Variants in GNAS observed in about 807,000 individuals in gnomAD.
GNAS encodes the protein GNAS complex locus, also known as protein ALEX.
A neutral mutation model predicts 54.5 loss-of-function variants in GNAS; 8 were observed. The ratio of observed to expected loss-of-function variants is 0.15; its 90% confidence interval spans 0.09 to 0.26. The LOEUF (loss-of-function observed/expected upper bound fraction) is 0.26, where lower values mean the gene tolerates loss of function less well. Ranked by LOEUF, GNAS falls within the 10% of genes least tolerant of loss-of-function variation. The pLI is 1.00. For synonymous variants in GNAS, 204 were observed against 191.4 expected (o/e 1.07, Z -0.54); for missense variants, 170 against 529.8 (o/e 0.32, Z 6.67).
intron 2 of GNAS, among the ~76,000 whole-genome samples, chr20:58,896,943 A>C (rs2090123944): frequency 6.6e-6 from 1 of 152,242 alleles, no homozygotes; most frequent in Non-Finnish European, 1.5e-5. Flanking sequence ...CAGGAAACAA[A>C]GGTGAACTTT....
Position 58,891,522 on chromosome 20 carries a change from G to A in GNAS, c.-205G>A, listed in dbSNP as rs1481221116. The A allele has an allele frequency of 2.0e-6, 2 of 975,984 alleles. No individual in the cohort carries two copies. The highest frequency in any genetic ancestry group is 1.2e-6 in the Non-Finnish European group (1 of 824,696). The allele number at this position is 975,984 out of a possible 1,614,324, so 60.5% of individuals were successfully genotyped here. ...GGCGGGGAGCTGCGCGCGCCCCTCG[G>A]TCCGACCGACACCCTCCCCTTCCCG... is the stretch of plus-strand genomic sequence containing the variant. On this transcript the variant is annotated 5_prime_UTR_variant, in exon 1 of 13. Coordinates refer to ENST00000371085, the MANE Select transcript of GNAS (RefSeq NM_000516.7).
intron 1 of GNAS, among the ~76,000 whole-genome samples, chr20:58,882,284 C>T (rs1422458075): frequency 1.3e-5 from 2 of 152,186 alleles, no homozygotes; most frequent in Non-Finnish European, 2.9e-5. Flanking sequence ...GTCTCGATCT[C>T]CTGACCTCGT....
intron 1 of GNAS, among the ~76,000 whole-genome samples, chr20:58,867,795 A>G (rs1600787356): frequency 6.6e-6 from 1 of 152,084 alleles, no homozygotes; most frequent in Non-Finnish European, 1.5e-5. Flanking sequence ...CTTAAATTTG[A>G]TGAGTTGTCA....
intron 1 of GNAS, among the ~76,000 whole-genome samples, chr20:58,859,666 G>A (rs1446475265): frequency 2.6e-4 from 38 of 144,242 alleles, no homozygotes; most frequent in Admixed American, 1.8e-3. Context: ...TCGCTCTATC[G>A]CCCAGGCTGG....
At chr20:58,892,405 G>A (rs2089520743) in intron 1 of GNAS, 1 of 152,054 alleles carries the variant, frequency 6.6e-6, no homozygotes, top group African/African-American at 2.5e-5. Flanking sequence ...GGGGCGCCGT[G>A]GTGGCGGAGG....
At chr20:58,888,440 C>T (rs1249936777), upstream of GNAS, 1 of 152,252 alleles carries the variant, frequency 6.6e-6, no homozygotes, top group East Asian at 1.9e-4. Flanking sequence ...TAACCCTGCT[C>T]CTAATCCCGT....
chr20:58,879,995 C>G (rs2088118722), intron 1 of GNAS, among the ~76,000 whole-genome samples: 1 of 152,082 alleles, frequency 6.6e-6, no homozygotes, highest in South Asian at 2.1e-4. Context: ...CCCTCCCCAA[C>G]CCAAACCTTT....
chr20:58,842,969 C>T (rs1568911803), intron 1 of GNAS, among the ~76,000 whole-genome samples: 1 of 152,184 alleles, frequency 6.6e-6, no homozygotes. Context: ...CCGTGTCGAG[C>T]CCACACCTCA....
chr20:58,862,962 G>GAAAAA (rs542171703), intron 1 of GNAS, among the ~76,000 whole-genome samples: 1 of 82,338 alleles, frequency 1.2e-5, no homozygotes, highest in Non-Finnish European at 2.5e-5. Context: ...TATTACACAT[G>GAAAAA]AAAAAAAAAA....
At chr20:58,900,302 C>T (rs2090488510) in intron 3 of GNAS, 2 of 363,334 alleles carry the variant, frequency 5.5e-6, no homozygotes, top group South Asian at 4.3e-5. Context: ...CTGCTAAACC[C>T]TTGAACCCTA....
chr20:58,895,165 G>A, intron 1 of GNAS: 1 of 262,632 alleles, frequency 3.8e-6, no homozygotes, highest in South Asian at 4.1e-5. Flanking sequence ...GGAATCCCGG[G>A]TATTTTAACC....
intron 5 of GNAS, 141 bp downstream of exon 5, chr20:58,903,932 A>G: frequency 1.2e-6 from 1 of 838,116 alleles, no homozygotes; most frequent in South Asian, 1.4e-5. Flanking sequence ...AGTGATGTCC[A>G]TCCTTAGGAA....
rs778743536 is a variant in GNAS, at chr20:58,840,867, C to G, written c.24C>G (p.Leu8=). 3 of 1,612,780 alleles carry G rather than the reference C, an allele frequency of 1.9e-6. No homozygotes were observed. Among genetic ancestry groups the G allele is most frequent in the Middle Eastern group, 3.3e-4 (2 of 6,062 alleles). ...TAATGGAGGACGCCGTCCAGATTCT[C>G]CTTGTTTTCATGGATTCAGGTTAGT... The change falls in exon 1 of 13, where the codon CTC becomes CTG. Residue 8 remains leucine (L), a synonymous_variant. Transcript: ENST00000306090. This position sits in a 1 kb window ranked among gnomAD's most constrained non-coding sequence, Gnocchi z 6.0.
intron 1 of GNAS, among the ~76,000 whole-genome samples, chr20:58,859,096 G>A (rs1394597188): frequency 6.6e-6 from 1 of 152,118 alleles, no homozygotes; most frequent in Admixed American, 6.5e-5. Context: ...AAAGAATTGG[G>A]GGTCATCCCC....
rs868415585 is a variant in GNAS, at chr20:58,857,043, C to G, written c.43+16157C>G. On this transcript the variant is annotated intron_variant, in intron 1 of 12. Transcript: ENST00000306090. This position sits in a 1 kb window ranked among gnomAD's most constrained non-coding sequence, Gnocchi z 4.1. ...AATATGTGGTTTAAATGAAAACTTC[C>G]AAACAAACTTCACAAGCTTAATTTT... is the stretch of plus-strand genomic sequence containing the variant. The G allele has an allele frequency of 2.6e-5, 4 of 152,138 alleles. No individual in the cohort carries two copies. Among genetic ancestry groups the G allele is most frequent in the Admixed American group, 6.5e-5 (1 of 15,270 alleles). 9.4% of individuals were successfully genotyped at this position (152,138 alleles called of 1,614,324 possible).
chr20:58,854,844 C>T (rs779840651), intron 1 of GNAS: 2 of 1,596,946 alleles, frequency 1.3e-6, no homozygotes, highest in Non-Finnish European at 1.7e-6. Flanking sequence ...ACGCAAGATC[C>T]ATCTCAGACC....
chr20:58,867,244 T>C lies in GNAS; in HGVS notation c.43+26358T>C, dbSNP rs181589051. Among the ~76,000 whole-genome samples, 380 of 152,328 alleles carry C rather than the reference T, an allele frequency of 2.5e-3. 1 individual carries two copies. Among genetic ancestry groups the C allele is most frequent in the African/African-American group, 8.6e-3 (359 of 41,576 alleles). On this transcript the variant is annotated intron_variant, in intron 1 of 12. Coordinates refer to the GNAS transcript ENST00000306090. Reference sequence around the variant, plus strand: ...GACGTTAGGGGAAAATTTTTAAAAGTTGGATTGCCAGAAAACTTCTAGCTA... The same window carrying C: ...GACGTTAGGGGAAAATTTTTAAAAGCTGGATTGCCAGAAAACTTCTAGCTA...
chr20:58,891,617 C>G lies in GNAS; in HGVS notation c.-110C>G. 1.0e-6 allele frequency: 1 copy of G among 971,246 alleles called. No homozygotes were observed. The highest frequency in any genetic ancestry group is 1.8e-5 in the African/African-American group (1 of 55,142). 60.2% of individuals were successfully genotyped at this position (971,246 alleles called of 1,614,324 possible). A position where few individuals can be genotyped will look rare whatever the true frequency, so the allele number is the denominator to read the frequency against. The stretch of plus-strand genomic sequence containing the variant: ...GCGCTCCTTGCCGAGGAGCCGAGCC[C>G]GCGCCCGGCCCGCCCGCCCGGCGCT... On this transcript the variant is annotated 5_prime_UTR_variant, in exon 1 of 13. Coordinates refer to ENST00000371085, the MANE Select transcript of GNAS (RefSeq NM_000516.7).
At chr20:58,864,834 G>T (rs978694045) in intron 1 of GNAS, among the ~76,000 whole-genome samples, 1 of 151,964 alleles carries the variant, frequency 6.6e-6, no homozygotes, top group Non-Finnish European at 1.5e-5. Context: ...TCTAACAGAG[G>T]GGTCCTCCAA....
Sources: gnomAD v4.1 joint callset for allele counts (sites outside exome capture counted in the v4.1 genomes callset) on GRCh38, gnomAD v4.1.1 for gene constraint, Gnocchi (gnomAD v3.1) non-coding constraint, MANE v1.5 for transcripts, NCBI Gene and HGNC (gene_info 2026-07-23, HGNC 2026-07-21) for gene names.